Variants in PTPRD observed in about 807,000 individuals in gnomAD.
The protein encoded by PTPRD is protein tyrosine phosphatase receptor type D.
Under a neutral mutation model 214.5 loss-of-function variants are expected in PTPRD, and 34 were observed. The observed-to-expected ratio is 0.16, with a 90% CI of 0.12 to 0.21. The LOEUF is 0.21. Among genes scored for constraint, PTPRD ranks in the 10% least tolerant of loss-of-function variants. The pLI is 1.00. For missense variants in PTPRD, 2,545 were observed against 2,398.7 expected (o/e 1.06, Z -1.27); for synonymous variants, 1,128 against 845.7 (o/e 1.33, Z -5.79).
At chr9:9,776,730 T>C (rs937752537) in intron 5 of PTPRD, among the ~76,000 whole-genome samples, 1 of 152,344 alleles carries the variant, frequency 6.6e-6, no homozygotes, top group East Asian at 1.9e-4. Context: ...TACTTTAAAA[T>C]TACTTTTTTT....
chr9:9,381,956 G>C (rs1218224700), intron 9 of PTPRD, among the ~76,000 whole-genome samples: 1 of 150,712 alleles, frequency 6.6e-6, no homozygotes, highest in African/African-American at 2.4e-5. Flanking sequence ...TGAATGTATA[G>C]ATCACTATAG....
intron 2 of PTPRD, among the ~76,000 whole-genome samples, chr9:10,456,033 G>A (rs1403597986): frequency 2.6e-5 from 4 of 151,644 alleles, no homozygotes. Context: ...TTATGCCTCA[G>A]GCTCACTAGA....
chr9:9,130,166 G>A (rs992034029), intron 10 of PTPRD, among the ~76,000 whole-genome samples: 1 of 152,104 alleles, frequency 6.6e-6, no homozygotes, highest in African/African-American at 2.4e-5. Context: ...GTACAAACAA[G>A]ACAGGTAATT....
At chr9:10,261,288 AT>A (rs2093685468) in intron 3 of PTPRD, among the ~76,000 whole-genome samples, 1 of 151,830 alleles carries the variant, frequency 6.6e-6, no homozygotes, top group Non-Finnish European at 1.5e-5. Flanking sequence ...GCTTTTTCAA[AT>A]GGAAAAAAAA....
intron 12 of PTPRD, among the ~76,000 whole-genome samples, chr9:8,658,687 A>G (rs2096964598): frequency 6.7e-6 from 1 of 149,684 alleles, no homozygotes; most frequent in South Asian, 2.1e-4. Context: ...AAAAAAAAAA[A>G]AGGTGAAGAC....
At chr9:10,146,044 G>T (rs2099020141) in intron 3 of PTPRD, among the ~76,000 whole-genome samples, 2 of 151,806 alleles carry the variant, frequency 1.3e-5, no homozygotes, top group African/African-American at 4.8e-5. Context: ...AAAGTATGCA[G>T]ATGTAATATT....
intron 42 of PTPRD, 84 bp from the exon 43 acceptor site, chr9:8,339,131 T>A (rs1849860012): frequency 7.6e-7 from 1 of 1,317,586 alleles, no homozygotes; most frequent in Non-Finnish European, 1.0e-6. Context: ...CTAATCTATC[T>A]AATTTCCTTA....
intron 12 of PTPRD, among the ~76,000 whole-genome samples, chr9:8,683,138 C>T (rs144402069): frequency 7.9e-5 from 12 of 152,256 alleles, no homozygotes; most frequent in African/African-American, 2.9e-4. Context: ...AAAGGTGGAT[C>T]TGGCTTAAGA....
chr9:9,880,701 C>T (rs969488982), intron 5 of PTPRD, among the ~76,000 whole-genome samples: 4 of 152,082 alleles, frequency 2.6e-5, no homozygotes, highest in African/African-American at 9.7e-5. Context: ...TATTACAATT[C>T]ATTTTTTGTA....
At chr9:9,741,459 T>A (rs60618689) in intron 6 of PTPRD, among the ~76,000 whole-genome samples, 118,595 of 151,864 alleles carry the variant, frequency 0.78, 47,290 homozygotes, top group African/African-American at 0.94. Flanking sequence ...CTTTTTTTTT[T>A]AAATTATGAT....
chr9:8,939,274 T>C (rs1281379753), intron 11 of PTPRD, among the ~76,000 whole-genome samples: 6 of 152,170 alleles, frequency 3.9e-5, no homozygotes, highest in African/African-American at 1.2e-4. Context: ...TTAAATTCTA[T>C]GTTCTGAATT....
At chr9:8,775,476 T>C (rs2095433842) in intron 11 of PTPRD, among the ~76,000 whole-genome samples, 1 of 152,104 alleles carries the variant, frequency 6.6e-6, no homozygotes, top group Non-Finnish European at 1.5e-5. Flanking sequence ...TTAGGTGAGA[T>C]GCAGTACATA....
intron 8 of PTPRD, among the ~76,000 whole-genome samples, chr9:9,487,106 A>T (rs2147412526): frequency 6.6e-6 from 1 of 152,268 alleles, no homozygotes; most frequent in East Asian, 1.9e-4. Context: ...CATTTGCACA[A>T]TGTGCAGGTT....
intron 4 of PTPRD, among the ~76,000 whole-genome samples, chr9:9,947,563 T>A (rs1445685195): frequency 4.6e-4 from 19 of 41,080 alleles, no homozygotes; most frequent in African/African-American, 2.1e-3. Context: ...ATATATATAT[T>A]TTATATATAT....
intron 9 of PTPRD, among the ~76,000 whole-genome samples, chr9:9,217,357 T>C (rs999623349): frequency 1.3e-5 from 2 of 152,202 alleles, no homozygotes; most frequent in Non-Finnish European, 2.9e-5. Flanking sequence ...TACAAATACA[T>C]AAAATAAGAT....
At chr9:9,708,006 A>G (rs929871103) in intron 7 of PTPRD, among the ~76,000 whole-genome samples, 12 of 152,116 alleles carry the variant, frequency 7.9e-5, no homozygotes, top group African/African-American at 2.9e-4. Context: ...TACGAGATAA[A>G]AACATAGGAT....
chr9:9,878,266 T>C (rs1397178995), intron 5 of PTPRD, among the ~76,000 whole-genome samples: 2 of 152,176 alleles, frequency 1.3e-5, no homozygotes, highest in African/African-American at 4.8e-5. Context: ...TGTCATGTAC[T>C]AGTTATTACA....
chr9:10,014,697 G>A (rs1278167410), intron 4 of PTPRD, among the ~76,000 whole-genome samples: 1 of 151,994 alleles, frequency 6.6e-6, no homozygotes, highest in Admixed American at 6.6e-5. Flanking sequence ...ACAAGGAAAG[G>A]AGAGAAACAC....
At chr9:8,918,849 C>T (rs1406042561) in intron 11 of PTPRD, among the ~76,000 whole-genome samples, 2 of 152,098 alleles carry the variant, frequency 1.3e-5, no homozygotes, top group Non-Finnish European at 2.9e-5. Flanking sequence ...TGGCCATTTG[C>T]ACGGGCTAAT....
Sources: gnomAD v4.1 joint callset for allele counts (sites outside exome capture counted in the v4.1 genomes callset) on GRCh38, gnomAD v4.1.1 for gene constraint, MANE v1.5 for transcripts, NCBI Gene and HGNC (gene_info 2026-07-23, HGNC 2026-07-21) for gene names.